Variants in NAALADL2 observed in about 807,000 individuals in gnomAD.
NAALADL2 encodes inactive N-acetylated-alpha-linked acidic dipeptidase-like protein 2.
NAALADL2 carries 76 observed loss-of-function variants against 87.2 expected under a neutral mutation model. The ratio of observed to expected loss-of-function variants is 0.87; its 90% confidence interval spans 0.72 to 1.05. The LOEUF is 1.05. Among genes scored for constraint, NAALADL2 ranks in the 50% least tolerant of loss-of-function variants. The pLI is 0.00. For synonymous variants in NAALADL2, 354 were observed against 331.0 expected (o/e 1.07, Z -0.75); for missense variants, 1,089 against 945.8 (o/e 1.15, Z -1.99).
chr3:174,941,315 A>G (rs776321897), intron 1 of NAALADL2, among the ~76,000 whole-genome samples: 35 of 152,080 alleles, frequency 2.3e-4, no homozygotes, highest in Non-Finnish European at 3.7e-4. Flanking sequence ...ATTTTAAGCA[A>G]TGTGTTTTTC....
chr3:174,700,783 T>C (rs1729475850), intron 2 of NAALADL2, among the ~76,000 whole-genome samples: 2 of 152,200 alleles, frequency 1.3e-5, no homozygotes, highest in Admixed American at 6.5e-5. Context: ...ATTTATATGA[T>C]ATAGAGTGAC....
At chr3:175,055,884 C>T (rs1334018976) in intron 1 of NAALADL2, among the ~76,000 whole-genome samples, 4 of 152,182 alleles carry the variant, frequency 2.6e-5, no homozygotes, top group Non-Finnish European at 5.9e-5. Flanking sequence ...ACCTCCAGTA[C>T]CATCACAGGC....
chr3:174,442,956 T>G (rs1421747010), intron 1 of NAALADL2, among the ~76,000 whole-genome samples: 1 of 152,150 alleles, frequency 6.6e-6, no homozygotes, highest in Non-Finnish European at 1.5e-5. Flanking sequence ...CCGGGCACAT[T>G]GCTGTGTTCA....
rs184980794 is a variant in NAALADL2, at chr3:175,211,872, A to C, written c.546-22059A>C. Among the ~76,000 whole-genome samples, 1,275 of 152,178 alleles carry C rather than the reference A, an allele frequency of 8.4e-3. 15 individuals carry two copies. Among genetic ancestry groups the C allele is most frequent in the Non-Finnish European group, 0.013 (902 of 67,918 alleles). On this transcript the variant is annotated intron_variant, in intron 2 of 13. Transcript: ENST00000454872. The stretch of plus-strand genomic sequence containing the variant: ...ATTACGAAAAATATTTGCCCAAATC[A>C]AAAATGATTAGTCCTCCCATTTTGT...
intron 12 of NAALADL2, among the ~76,000 whole-genome samples, chr3:175,748,748 CT>C (rs1746246714): frequency 1.3e-5 from 2 of 151,948 alleles, no homozygotes; most frequent in Admixed American, 6.6e-5. Context: ...AAATTTAAAA[CT>C]TGTTGGAGTA....
chr3:175,384,595 C>T (rs1240665257), intron 5 of NAALADL2, among the ~76,000 whole-genome samples: 1 of 151,830 alleles, frequency 6.6e-6, no homozygotes, highest in African/African-American at 2.4e-5. Flanking sequence ...TAAATGCATG[C>T]ACCTCCTTTC....
intron 3 of NAALADL2, among the ~76,000 whole-genome samples, chr3:174,761,349 A>G (rs190251749): frequency 1.3e-4 from 20 of 152,322 alleles, no homozygotes; most frequent in African/African-American, 4.6e-4. Flanking sequence ...AATAGTAACT[A>G]GAAAACAGAA....
At chr3:174,785,379 C>T (rs527944527) in intron 3 of NAALADL2, among the ~76,000 whole-genome samples, 5 of 152,158 alleles carry the variant, frequency 3.3e-5, no homozygotes, top group Admixed American at 6.5e-5. Context: ...GTTATCCCAG[C>T]ACCATTTATT....
At chr3:174,611,930 T>A (rs1048974065) in intron 2 of NAALADL2, among the ~76,000 whole-genome samples, 9 of 152,064 alleles carry the variant, frequency 5.9e-5, no homozygotes, top group African/African-American at 2.2e-4. Context: ...GTCCTTTTTT[T>A]TTTTTTCTTG....
chr3:174,710,124 A>G (rs1408308711), intron 2 of NAALADL2, among the ~76,000 whole-genome samples: 1 of 151,834 alleles, frequency 6.6e-6, no homozygotes, highest in Non-Finnish European at 1.5e-5. Context: ...ACTTGAATCT[A>G]GGTACTGCTG....
intron 5 of NAALADL2, among the ~76,000 whole-genome samples, chr3:175,342,996 A>G (rs757852742): frequency 6.6e-6 from 1 of 152,124 alleles, no homozygotes; most frequent in African/African-American, 2.4e-5. Context: ...ATAGTTTTAA[A>G]AGTTTAAAAA....
At chr3:175,119,842 CTT>C (rs1443930674) in intron 2 of NAALADL2, among the ~76,000 whole-genome samples, 2 of 142,722 alleles carry the variant, frequency 1.4e-5, no homozygotes, top group African/African-American at 2.6e-5. Flanking sequence ...ATGTATATGA[CTT>C]ATATAGCTTA....
At position 174,891,425 on chromosome 3, in the gene NAALADL2, A is replaced by T. The variant is rs149242381; in HGVS notation, c.43+31975A>T. Among the ~76,000 whole-genome samples, 452 of 152,184 alleles carry T rather than the reference A, an allele frequency of 3.0e-3. 2 individuals carry two copies. The highest frequency in any genetic ancestry group is 0.011 in the African/African-American group (438 of 41,530). ...ACTGAAGATATAGAAAAAACAGTCCAGAGTCACTGATGCCACCCCTCCCTC... is the reference window on the plus strand; with the variant it reads ...ACTGAAGATATAGAAAAAACAGTCCTGAGTCACTGATGCCACCCCTCCCTC... On this transcript the variant is annotated intron_variant, in intron 1 of 13. Transcript: ENST00000454872.
chr3:175,490,842 G>T (rs990998550), intron 9 of NAALADL2, among the ~76,000 whole-genome samples: 4 of 152,048 alleles, frequency 2.6e-5, no homozygotes, highest in Admixed American at 2.6e-4. Flanking sequence ...TAGGCAATCC[G>T]TGGAACATCA....
At chr3:175,030,802 G>T (rs1180501623) in intron 1 of NAALADL2, among the ~76,000 whole-genome samples, 3 of 151,996 alleles carry the variant, frequency 2.0e-5, no homozygotes, top group Admixed American at 6.6e-5. Flanking sequence ...TTTGTTCAAT[G>T]TATTTAGTTT....
chr3:175,783,314 G>A (rs1291596340), intron 13 of NAALADL2, among the ~76,000 whole-genome samples: 5 of 151,948 alleles, frequency 3.3e-5, no homozygotes, highest in Admixed American at 1.3e-4. Context: ...CCATTTTCAC[G>A]ATACTGATTC....
intron 2 of NAALADL2, among the ~76,000 whole-genome samples, chr3:174,570,638 C>G (rs550734443): frequency 2.6e-5 from 4 of 152,174 alleles, no homozygotes; most frequent in African/African-American, 9.6e-5. Context: ...TTTGTGTATT[C>G]TAGCTTAAGG....
At chr3:175,048,697 A>G (rs1580185017) in intron 1 of NAALADL2, among the ~76,000 whole-genome samples, 1 of 152,114 alleles carries the variant, frequency 6.6e-6, no homozygotes, top group South Asian at 2.1e-4. Flanking sequence ...ATATATTTAC[A>G]GCTAAGTATT....
At chr3:174,694,693 G>C (rs1578572355) in intron 2 of NAALADL2, among the ~76,000 whole-genome samples, 1 of 152,184 alleles carries the variant, frequency 6.6e-6, no homozygotes, top group East Asian at 1.9e-4. Flanking sequence ...ACTTTGAAGA[G>C]ACTCTTTATA....
Sources: gnomAD v4.1 joint callset for allele counts (sites outside exome capture counted in the v4.1 genomes callset) on GRCh38, gnomAD v4.1.1 for gene constraint, MANE v1.5 for transcripts, NCBI Gene and HGNC (gene_info 2026-07-23, HGNC 2026-07-21) for gene names.